The following MAML2 variants were observed in gnomAD, a reference collection of about 807,000 sequenced individuals.
The protein encoded by MAML2 is mastermind like transcriptional coactivator 2.
A neutral mutation model predicts 96.1 loss-of-function variants in MAML2; 22 were observed. The ratio of observed to expected loss-of-function variants is 0.23; its 90% confidence interval spans 0.16 to 0.33. The LOEUF (loss-of-function observed/expected upper bound fraction) is 0.33. MAML2 is among the 10% of genes least tolerant of loss of function. The pLI is 1.00. For synonymous variants in MAML2, 561 were observed against 521.3 expected (o/e 1.08, Z -1.04); for missense variants, 1,367 against 1,392.4 (o/e 0.98, Z 0.29).
intron 1 of MAML2, among the ~76,000 whole-genome samples, chr11:96,156,142 G>C (rs1360925256): frequency 6.6e-6 from 1 of 152,046 alleles, no homozygotes; most frequent in African/African-American, 2.4e-5. Flanking sequence ...GCTTCCATCT[G>C]TCCACATGGT....
At chr11:96,200,216 A>G (rs973100480) in intron 1 of MAML2, among the ~76,000 whole-genome samples, 1 of 152,176 alleles carries the variant, frequency 6.6e-6, no homozygotes, top group Non-Finnish European at 1.5e-5. Flanking sequence ...TTTGCTCACA[A>G]TTAGTCTCTC....
chr11:96,275,062 T>C (rs533785890), intron 1 of MAML2, among the ~76,000 whole-genome samples: 4 of 152,272 alleles, frequency 2.6e-5, no homozygotes, highest in South Asian at 4.1e-4. Context: ...TAATATTCCA[T>C]TGTATAGATG....
intron 1 of MAML2, among the ~76,000 whole-genome samples, chr11:96,275,209 G>C (rs1212560956): frequency 2.0e-5 from 3 of 149,970 alleles, no homozygotes; most frequent in Non-Finnish European, 4.4e-5. Context: ...TATAATTAAT[G>C]AATGAGTTCT....
intron 2 of MAML2, among the ~76,000 whole-genome samples, chr11:95,991,927 A>G (rs1857920544): frequency 1.3e-5 from 2 of 152,230 alleles, no homozygotes; most frequent in South Asian, 4.1e-4. Context: ...TGGGTTAATG[A>G]CATTAGGGCA....
chr11:96,316,583 C>T (rs1379950870), intron 1 of MAML2, among the ~76,000 whole-genome samples: 1 of 152,156 alleles, frequency 6.6e-6, no homozygotes, highest in Non-Finnish European at 1.5e-5. Context: ...ATTAAATGAT[C>T]CACACACAAC....
At chr11:96,341,146 G>A (rs1176858697) in intron 1 of MAML2, among the ~76,000 whole-genome samples, 1 of 152,160 alleles carries the variant, frequency 6.6e-6, no homozygotes. Context: ...GAAAACTCAG[G>A]CTTCTTATCA....
At chr11:96,048,829 C>G (rs1293553731) in intron 2 of MAML2, among the ~76,000 whole-genome samples, 3 of 152,154 alleles carry the variant, frequency 2.0e-5, no homozygotes. Context: ...GACAATTAAA[C>G]TGCCTAATTT....
chr11:95,989,761 C>T (rs1857882830), intron 3 of MAML2, among the ~76,000 whole-genome samples: 1 of 152,148 alleles, frequency 6.6e-6, no homozygotes, highest in Non-Finnish European at 1.5e-5. Context: ...AACCTTATGG[C>T]AGTATTCAAC....
chr11:95,998,184 C>T (rs1858026736), intron 2 of MAML2, among the ~76,000 whole-genome samples: 1 of 152,084 alleles, frequency 6.6e-6, no homozygotes, highest in Non-Finnish European at 1.5e-5. Context: ...GTCTATCTAT[C>T]TATCCACCCC....
At chr11:95,992,247 C>T (rs1221785059) in intron 2 of MAML2, among the ~76,000 whole-genome samples, 2 of 152,124 alleles carry the variant, frequency 1.3e-5, no homozygotes, top group Non-Finnish European at 2.9e-5. Context: ...TTTATAAACT[C>T]AAACTTGGAA....
chr11:96,075,862 C>G (rs746885146), intron 2 of MAML2, among the ~76,000 whole-genome samples: 1 of 152,128 alleles, frequency 6.6e-6, no homozygotes, highest in Non-Finnish European at 1.5e-5. Flanking sequence ...TCTTACTAAT[C>G]GGCATTCAGA....
intron 2 of MAML2, among the ~76,000 whole-genome samples, chr11:96,050,029 T>C (rs1294517171): frequency 1.4e-4 from 22 of 152,216 alleles, no homozygotes; most frequent in Admixed American, 1.4e-3. Flanking sequence ...ACCATAGATT[T>C]TTACCATGGT....
intron 2 of MAML2, among the ~76,000 whole-genome samples, chr11:96,068,490 GGA>G (rs139120762): frequency 2.5e-4 from 20 of 81,024 alleles, no homozygotes; most frequent in Admixed American, 4.1e-4. Context: ...AGGGAGGGAG[GGA>G]GAGAGAGAGA....
At position 96,289,289 on chromosome 11, in the gene MAML2, A is replaced by G. The variant is rs1270186271; in HGVS notation, c.513+52094T>C. Among the ~76,000 whole-genome samples, 3 of 152,232 alleles carry G rather than the reference A, an allele frequency of 2.0e-5. 1 individual carries two copies. The highest frequency in any genetic ancestry group is 4.4e-5 in the Non-Finnish European group (3 of 68,030). ...TTTTATTTAACTCTTCAGTCTATAT[A>G]GTCTTCAAGGATAACTGTGCTTTTA... is the stretch of plus-strand genomic sequence containing the variant. On this transcript the variant is annotated intron_variant, in intron 1 of 4. Transcript: ENST00000524717.
At chr11:96,188,909 T>TA (rs34113170) in intron 1 of MAML2, among the ~76,000 whole-genome samples, 11,650 of 149,644 alleles carry the variant, frequency 0.078, 516 homozygotes, top group Non-Finnish European at 0.1. Flanking sequence ...TGTTCAACAT[T>TA]AAAAAAAAAA....
chr11:96,269,377 T>C (rs905163148), intron 1 of MAML2, among the ~76,000 whole-genome samples: 1 of 145,158 alleles, frequency 6.9e-6, no homozygotes, highest in Non-Finnish European at 1.5e-5. Flanking sequence ...GTTATGTTCC[T>C]GAGAAGGTAT....
intron 2 of MAML2, among the ~76,000 whole-genome samples, chr11:96,070,452 C>T (rs974157450): frequency 2.0e-5 from 3 of 152,222 alleles, no homozygotes; most frequent in African/African-American, 4.8e-5. Flanking sequence ...GGGACTCCCT[C>T]TTTGGGGTCC....
At chr11:96,121,920 G>A (rs374432780) in intron 1 of MAML2, among the ~76,000 whole-genome samples, 152 of 137,060 alleles carry the variant, frequency 1.1e-3, no homozygotes, top group African/African-American at 4.0e-3. Context: ...CCTAGCAGCT[G>A]GGACTACAGG....
intron 1 of MAML2, among the ~76,000 whole-genome samples, chr11:96,263,710 T>C (rs1862781896): frequency 6.6e-6 from 1 of 152,188 alleles, no homozygotes; most frequent in African/African-American, 2.4e-5. Flanking sequence ...TCCTTTTGAG[T>C]CTGTACTTGG....
Sources: allele counts gnomAD v4.1 joint callset (sites outside exome capture counted in the v4.1 genomes callset), GRCh38; gene constraint gnomAD v4.1.1; transcripts MANE v1.5; gene names NCBI Gene and HGNC (gene_info 2026-07-23, HGNC 2026-07-21).